The following BRINP3 variants were observed in gnomAD, a reference collection of about 807,000 sequenced individuals.
BRINP3 encodes the protein BMP/retinoic acid-inducible neural-specific protein 3.
BRINP3 carries 19 observed loss-of-function variants against 71.0 expected under a neutral mutation model. That is an observed-to-expected ratio of 0.27 (90% CI 0.19 to 0.39). BRINP3 has a LOEUF of 0.39. Ranked by LOEUF, BRINP3 falls within the 10% of genes least tolerant of loss-of-function variation. BRINP3 has a pLI of 1.00. For missense variants in BRINP3, 959 were observed against 940.8 expected (o/e 1.02, Z -0.25); for synonymous variants, 380 against 337.7 (o/e 1.13, Z -1.37).
chr1:190,362,315 C>G (rs1264100844), intron 2 of BRINP3: 2 of 152,108 alleles, frequency 1.3e-5, no homozygotes, highest in East Asian at 3.9e-4. Flanking sequence ...GCTAGGGGAC[C>G]TACAGACATA....
chr1:190,389,468 T>C (rs1225178148), intron 2 of BRINP3, among the ~76,000 whole-genome samples: 1 of 151,866 alleles, frequency 6.6e-6, no homozygotes, highest in Non-Finnish European at 1.5e-5. Context: ...TTACAAATAA[T>C]TGGTTTAGGA....
intron 6 of BRINP3, among the ~76,000 whole-genome samples, chr1:190,215,097 A>C (rs918125851): frequency 6.9e-6 from 1 of 145,360 alleles, no homozygotes; most frequent in Non-Finnish European, 1.5e-5. Context: ...CTATTATGAA[A>C]AAAAAAAAAA....
chr1:190,209,553 AG>A (rs1655806119), intron 6 of BRINP3, among the ~76,000 whole-genome samples: 1 of 152,152 alleles, frequency 6.6e-6, no homozygotes, highest in South Asian at 2.1e-4. Flanking sequence ...TGTGTCTGTA[AG>A]AATGAGAACC....
At chr1:190,409,587 G>T (rs1672528047) in intron 2 of BRINP3, among the ~76,000 whole-genome samples, 1 of 152,126 alleles carries the variant, frequency 6.6e-6, no homozygotes, top group Non-Finnish European at 1.5e-5. Context: ...GATGGAGGAG[G>T]TTTCAAGCAA....
intron 6 of BRINP3, among the ~76,000 whole-genome samples, chr1:190,183,938 T>C (rs1304424859): frequency 1.3e-5 from 2 of 152,186 alleles, no homozygotes; most frequent in Non-Finnish European, 1.5e-5. Context: ...TTGTTGTCTA[T>C]CTTGCTAGGT....
chr1:190,448,125 T>A lies in BRINP3; in HGVS notation c.236+6530A>T, dbSNP rs529603062. Among the ~76,000 whole-genome samples the A allele has an allele frequency of 3.3e-5, 5 of 151,856 alleles. No individual in the cohort carries two copies. In the South Asian group the frequency reaches 6.2e-4, roughly 19 times the overall value. On this transcript the variant is annotated intron_variant, in intron 2 of 7. Transcript: ENST00000367462. ...AAAGAATTTCCTATTGTATTGAATA[T>A]CCTTAGAAAATAAAACAATATGTAG... is the stretch of plus-strand genomic sequence containing the variant.
At chr1:190,460,888 T>C (rs1676349430) in intron 1 of BRINP3, among the ~76,000 whole-genome samples, 1 of 152,126 alleles carries the variant, frequency 6.6e-6, no homozygotes, top group Non-Finnish European at 1.5e-5. Flanking sequence ...AAATATAAGA[T>C]TTACCACTTT....
chr1:190,336,437 A>T (rs145205548), intron 2 of BRINP3, among the ~76,000 whole-genome samples: 114 of 152,174 alleles, frequency 7.5e-4, no homozygotes, highest in Non-Finnish European at 1.4e-3. Context: ...ATCTATGTTA[A>T]CATCAAAAGA....
rs144737794 is a variant in BRINP3, at chr1:190,307,118, G to A, written c.237-25368C>T. Among the ~76,000 whole-genome samples, 400 of 151,690 alleles carry A rather than the reference G, an allele frequency of 2.6e-3. 1 individual carries two copies. The highest frequency in any genetic ancestry group is 9.2e-3 in the African/African-American group (382 of 41,380). On this transcript the variant is annotated intron_variant, in intron 2 of 7. Coordinates refer to ENST00000367462, the MANE Select transcript of BRINP3 (RefSeq NM_199051.3). ...CAGATTTGGAAACAAAATCCTAGTTGGGATTGGTTCAGTGACATTGCTAAA... is the reference window on the plus strand; with the variant it reads ...CAGATTTGGAAACAAAATCCTAGTTAGGATTGGTTCAGTGACATTGCTAAA...
At chr1:190,398,503 G>A (rs547626159) in intron 2 of BRINP3, among the ~76,000 whole-genome samples, 7 of 151,792 alleles carry the variant, frequency 4.6e-5, no homozygotes, top group East Asian at 1.9e-4. Context: ...ATGAGTATAC[G>A]CATTCTATAG....
intron 3 of BRINP3, among the ~76,000 whole-genome samples, chr1:190,270,340 T>C (rs991377611): frequency 6.6e-5 from 10 of 151,164 alleles, no homozygotes; most frequent in African/African-American, 2.2e-4. Flanking sequence ...TTATTTATTA[T>C]TTATTTATAA....
chr1:190,412,615 A>C (rs1672762751), intron 2 of BRINP3, among the ~76,000 whole-genome samples: 1 of 150,022 alleles, frequency 6.7e-6, no homozygotes, highest in African/African-American at 2.4e-5. Context: ...GGTGCCCGCC[A>C]CTACGCCCGG....
At chr1:190,287,670 A>C (rs1158997830) in intron 2 of BRINP3, among the ~76,000 whole-genome samples, 2 of 152,176 alleles carry the variant, frequency 1.3e-5, no homozygotes, top group East Asian at 3.8e-4. Context: ...ACAGAAGACA[A>C]TTGGCATGAC....
chr1:190,473,955 A>G (rs1181820985), intron 1 of BRINP3, among the ~76,000 whole-genome samples: 1 of 152,022 alleles, frequency 6.6e-6, no homozygotes, highest in Non-Finnish European at 1.5e-5. Flanking sequence ...ATACCTACAA[A>G]ACAGTTCTCT....
rs200642406 is a variant in BRINP3 at position 190,440,019 on chromosome 1, AG to A, written c.236+14635del. ...CATAACAGACTGTATTTCTTCCAGT[AG>A]TTATCAAAAATCAGATTTTTAGAAA... On this transcript the variant is annotated intron_variant, in intron 2 of 7. Transcript: ENST00000367462. Among the ~76,000 whole-genome samples, 839 of 152,112 alleles carry A rather than the reference AG, an allele frequency of 5.5e-3. 5 individuals are homozygous for A. The highest frequency in any genetic ancestry group is 0.019 in the African/African-American group (774 of 41,548).
At chr1:190,454,107 C>A (rs779319642) in intron 2 of BRINP3, among the ~76,000 whole-genome samples, 3 of 152,140 alleles carry the variant, frequency 2.0e-5, no homozygotes, top group African/African-American at 7.2e-5. Flanking sequence ...TGTTAAAGAT[C>A]ATATATCTTT....
At chr1:190,285,148 T>G (rs1663323514) in intron 2 of BRINP3, among the ~76,000 whole-genome samples, 5 of 152,088 alleles carry the variant, frequency 3.3e-5, no homozygotes, top group Admixed American at 3.3e-4. Context: ...AACAACAAAA[T>G]AATCCTAAGA....
chr1:190,253,074 A>T (rs1660297437), intron 4 of BRINP3, among the ~76,000 whole-genome samples: 1 of 152,114 alleles, frequency 6.6e-6, no homozygotes, highest in Non-Finnish European at 1.5e-5. Context: ...GATGGTTTCC[A>T]GCTGGATTCA....
intron 7 of BRINP3, among the ~76,000 whole-genome samples, chr1:190,106,924 G>A (rs930955962): frequency 6.6e-6 from 1 of 151,706 alleles, no homozygotes; most frequent in Non-Finnish European, 1.5e-5. Flanking sequence ...TGAAATTTTA[G>A]TGTGCTTCCA....
Sources: gnomAD v4.1 joint callset for allele counts (sites outside exome capture counted in the v4.1 genomes callset) on GRCh38, gnomAD v4.1.1 for gene constraint, MANE v1.5 for transcripts, NCBI Gene and HGNC (gene_info 2026-07-23, HGNC 2026-07-21) for gene names.